DGKB: variants seen among roughly 807,000 people sequenced by gnomAD.
DGKB encodes the protein 90 kDa diacylglycerol kinase.
DGKB carries 67 observed loss-of-function variants against 114.3 expected under a neutral mutation model. The ratio of observed to expected loss-of-function variants is 0.59; its 90% CI spans 0.48 to 0.72. The LOEUF (loss-of-function observed/expected upper bound fraction) is 0.72, where lower values mean the gene tolerates loss of function less well. Ranked by LOEUF, DGKB falls within the 30% of genes least tolerant of loss-of-function variation. The probability of loss-of-function intolerance (pLI) is 0.00; values close to 1 mark genes in which losing one functional copy is unlikely to be tolerated. For synonymous variants in DGKB, 398 were observed against 323.1 expected (o/e 1.23, Z -2.49); for missense variants, 907 against 975.2 (o/e 0.93, Z 0.93).
chr7:14,494,592 C>A (rs1338514760), intron 20 of DGKB, among the ~76,000 whole-genome samples: 1 of 151,860 alleles, frequency 6.6e-6, no homozygotes, highest in Non-Finnish European at 1.5e-5. Context: ...TGATAACCAC[C>A]TTAAATTAGT....
chr7:14,954,483 C>G (rs1161594137), intron 1 of DGKB, among the ~76,000 whole-genome samples: 2 of 151,908 alleles, frequency 1.3e-5, no homozygotes, highest in Admixed American at 1.3e-4. Flanking sequence ...AGTGATTTGA[C>G]TTGATTTGCA....
At chr7:14,712,639 C>A (rs890599618) in intron 6 of DGKB, among the ~76,000 whole-genome samples, 4 of 151,330 alleles carry the variant, frequency 2.6e-5, no homozygotes, top group African/African-American at 7.3e-5. Context: ...CCACTGCACT[C>A]CAGCCTGGGA....
chr7:14,777,470 T>C (rs1353237347), intron 2 of DGKB, among the ~76,000 whole-genome samples: 1 of 152,128 alleles, frequency 6.6e-6, no homozygotes, highest in East Asian at 1.9e-4. Flanking sequence ...GGTAACTGAA[T>C]CATGGTGGCA....
intron 1 of DGKB, among the ~76,000 whole-genome samples, chr7:14,861,815 C>T (rs1359946273): frequency 6.6e-6 from 1 of 151,948 alleles, no homozygotes; most frequent in Non-Finnish European, 1.5e-5. Flanking sequence ...ATTTTCACTG[C>T]TGTGACAATT....
chr7:14,841,828 C>A (rs1473423392), intron 1 of DGKB, among the ~76,000 whole-genome samples: 1 of 152,138 alleles, frequency 6.6e-6, no homozygotes, highest in African/African-American at 2.4e-5. Context: ...TCAGCACTAG[C>A]ATATATATTT....
chr7:14,657,343 A>C (rs1485033154), intron 13 of DGKB, among the ~76,000 whole-genome samples: 1 of 151,864 alleles, frequency 6.6e-6, no homozygotes, highest in Non-Finnish European at 1.5e-5. Flanking sequence ...AGTCTGAGTT[A>C]GATTTCCAAA....
intron 23 of DGKB, among the ~76,000 whole-genome samples, chr7:14,218,195 G>A (rs1028786004): frequency 6.6e-6 from 1 of 151,986 alleles, no homozygotes; most frequent in Non-Finnish European, 1.5e-5. Context: ...AGGTATTCCA[G>A]TATTCATGTG....
chr7:14,708,600 C>A (rs1370684702), intron 6 of DGKB, among the ~76,000 whole-genome samples: 3,257 of 150,972 alleles, frequency 0.022, 112 homozygotes, highest in African/African-American at 0.076. Flanking sequence ...CAGCATGGTA[C>A]TGGTACCAAA....
At chr7:14,853,033 G>A (rs909911436) in intron 1 of DGKB, among the ~76,000 whole-genome samples, 6 of 152,058 alleles carry the variant, frequency 3.9e-5, no homozygotes, top group Middle Eastern at 3.4e-3. Context: ...TGATGATTGC[G>A]GGCAAAGAAC....
At chr7:14,837,742 G>A (rs1847353255) in intron 2 of DGKB, among the ~76,000 whole-genome samples, 1 of 152,084 alleles carries the variant, frequency 6.6e-6, no homozygotes, top group African/African-American at 2.4e-5. Flanking sequence ...ATATTGAACA[G>A]CATGAAAAAT....
intron 2 of DGKB, among the ~76,000 whole-genome samples, chr7:14,773,797 A>G (rs2128475808): frequency 6.6e-6 from 1 of 152,188 alleles, no homozygotes; most frequent in Admixed American, 6.6e-5. Context: ...AAATATATAT[A>G]TATACTTGGC....
chr7:14,836,068 G>A (rs1442906250), intron 2 of DGKB, among the ~76,000 whole-genome samples: 1 of 152,120 alleles, frequency 6.6e-6, no homozygotes, highest in East Asian at 1.9e-4. Flanking sequence ...AGAAAGCTGA[G>A]GCTCAGGTAG....
intron 21 of DGKB, among the ~76,000 whole-genome samples, chr7:14,354,360 G>A (rs950336720): frequency 6.6e-6 from 1 of 152,112 alleles, no homozygotes; most frequent in Non-Finnish European, 1.5e-5. Context: ...TACAAATGCA[G>A]ATATTAGCAT....
chr7:14,327,757 G>GA (rs1190795391), intron 23 of DGKB, among the ~76,000 whole-genome samples: 1 of 151,810 alleles, frequency 6.6e-6, no homozygotes, highest in Non-Finnish European at 1.5e-5. Context: ...GTGAGGTTGT[G>GA]AAAAAAAGAC....
At chr7:14,223,721 T>C (rs1401336190) in intron 23 of DGKB, among the ~76,000 whole-genome samples, 1 of 151,768 alleles carries the variant, frequency 6.6e-6, no homozygotes, top group Non-Finnish European at 1.5e-5. Context: ...TTGGTTTATT[T>C]GGGATTATGT....
In DGKB at chr7:14,648,352, G is replaced by C. The variant is rs184151233; in HGVS notation, c.1135-18084C>G. Among the ~76,000 whole-genome samples, 582 of 152,292 alleles carry C rather than the reference G, an allele frequency of 3.8e-3. 2 individuals carry two copies. The highest frequency in any genetic ancestry group is 0.013 in the African/African-American group (530 of 41,562). ...GTCCCTGACCCCTGACCCCCGAGCA[G>C]CCTAACTGGGAGGCACCCCCCAGCA... On this transcript the variant is annotated intron_variant, in intron 13 of 25. Coordinates refer to ENST00000402815, the MANE Select transcript of DGKB (RefSeq NM_001350709.2).
intron 20 of DGKB, among the ~76,000 whole-genome samples, chr7:14,522,850 A>T (rs1790008477): frequency 1.3e-5 from 2 of 152,176 alleles, no homozygotes; most frequent in African/African-American, 2.4e-5. Context: ...AAAATTATTT[A>T]AAAATAACAA....
intron 17 of DGKB, among the ~76,000 whole-genome samples, chr7:14,606,089 C>T (rs1456160356): frequency 3.3e-5 from 5 of 152,030 alleles, no homozygotes; most frequent in African/African-American, 7.2e-5. Context: ...TTTGAATGCA[C>T]AATATCCTAA....
intron 13 of DGKB, among the ~76,000 whole-genome samples, chr7:14,642,480 C>T (rs915459500): frequency 6.6e-6 from 1 of 152,078 alleles, no homozygotes; most frequent in Non-Finnish European, 1.5e-5. Context: ...TCAAAGGAAA[C>T]AAATACAACT....
Sources: allele counts gnomAD v4.1 joint callset (sites outside exome capture counted in the v4.1 genomes callset), GRCh38; gene constraint gnomAD v4.1.1; transcripts MANE v1.5; gene names NCBI Gene and HGNC (gene_info 2026-07-23, HGNC 2026-07-21).